Variants in RRAGB observed in about 807,000 individuals in gnomAD.
RRAGB encodes ras-related GTP-binding protein B.
A neutral mutation model predicts 29.3 loss-of-function variants in RRAGB; 6 were observed. The observed-to-expected ratio is 0.21, with a 90% CI of 0.11 to 0.40. The LOEUF (loss-of-function observed/expected upper bound fraction) is 0.40. RRAGB is among the 10% of genes least tolerant of loss of function. The pLI, the probability that RRAGB is intolerant of heterozygous loss-of-function variation, is 1.00. For synonymous variants in RRAGB, 101 were observed against 92.5 expected, an observed-to-expected ratio of 1.09 and a Z score of -0.53; for missense variants, 184 against 272.9, an observed-to-expected ratio of 0.67 and a Z score of 2.29.
In RRAGB at chrX:55,731,424, G is replaced by A. The variant is rs143111210; in HGVS notation, c.354G>A (p.Val118=). 8.4e-5 allele frequency: 101 copies of A among 1,209,032 alleles called. No individual in the cohort carries two copies. The highest frequency in any genetic ancestry group is 1.0e-4 in the Non-Finnish European group (92 of 894,577). ...AACGGGACAACATCTTCCGAAATGT[G>A]GAGGTTCTGATTTATGTCTTTGATG... ...TSQRDNIFRN[V]EVLIYVFDVE... is the part of the protein sequence containing the mutation. The change falls in exon 5 of 10, where the codon GTG becomes GTA. Residue 118 remains valine (V), a synonymous_variant. Coordinates refer to ENST00000374941, the MANE Select transcript of RRAGB (RefSeq NM_006064.5).
At chrX:55,748,100 C>G (rs2034318644) in intron 5 of RRAGB, among the ~76,000 whole-genome samples, 2 of 112,780 alleles carry the variant, frequency 1.8e-5, no homozygotes, top group East Asian at 5.6e-4. Flanking sequence ...CAGCTCCTAA[C>G]CCCGAGTGAT....
chrX:55,754,356 G>C (rs898194000), intron 7 of RRAGB, among the ~76,000 whole-genome samples: 1 of 112,703 alleles, frequency 8.9e-6, no homozygotes, highest in Non-Finnish European at 1.9e-5. Context: ...CTGAAAGGGG[G>C]ATGCAAAAAC....
intron 5 of RRAGB, among the ~76,000 whole-genome samples, chrX:55,744,577 G>T (rs1426601995): frequency 1.8e-5 from 2 of 110,132 alleles, no homozygotes; most frequent in African/African-American, 6.6e-5. Flanking sequence ...GGTAGCTCAG[G>T]TCTCATGGTT....
At chrX:55,719,024 T>G (rs1222956921) in intron 1 of RRAGB, among the ~76,000 whole-genome samples, 1 of 112,266 alleles carries the variant, frequency 8.9e-6, no homozygotes, top group Non-Finnish European at 1.9e-5. Flanking sequence ...GTTGCTTTGA[T>G]TAAGATGATG....
chrX:55,729,368 C>T lies in RRAGB; in HGVS notation c.293+8C>T. On this transcript the variant is annotated splice_region_variant and intron_variant, in intron 4 of 9. Transcript: ENST00000374941. ...CCTGTGGGATTGTGGTGGGTAAGTA[C>T]CATCTGCTTACTTGTTTGTGAAGCC... 8.7e-7 allele frequency: 1 copy of T among 1,155,516 alleles called. No homozygotes were observed. The highest frequency in any genetic ancestry group is 1.2e-6 in the Non-Finnish European group (1 of 847,642).
intron 3 of RRAGB, chrX:55,727,179 T>C (rs941288119): frequency 5.4e-6 from 3 of 554,666 alleles, no homozygotes; most frequent in Non-Finnish European, 8.0e-6. Flanking sequence ...GAATAATTTC[T>C]ATGATATGGG....
intron 5 of RRAGB, among the ~76,000 whole-genome samples, chrX:55,749,615 T>C (rs2034447933): frequency 9.1e-6 from 1 of 110,367 alleles, no homozygotes; most frequent in African/African-American, 3.3e-5. Flanking sequence ...GGGGAAAAGA[T>C]TGAGAAATCG....
chrX:55,742,059 C>T (rs769023131), intron 5 of RRAGB, among the ~76,000 whole-genome samples: 2 of 112,395 alleles, frequency 1.8e-5, no homozygotes, highest in East Asian at 5.5e-4. Context: ...AAGTTATTGA[C>T]TGTTTACTCT....
At chrX:55,729,399 C>T (rs750962497) in intron 4 of RRAGB, 39 bp downstream of exon 4, 2 of 928,900 alleles carry the variant, frequency 2.2e-6, no homozygotes, top group South Asian at 2.1e-5. Flanking sequence ...AAGCCGATGT[C>T]AGTAATCGTG....
intron 5 of RRAGB, among the ~76,000 whole-genome samples, chrX:55,738,367 G>A (rs1375566711): frequency 1.8e-5 from 2 of 112,014 alleles, no homozygotes; most frequent in Non-Finnish European, 3.8e-5. Context: ...AGCTTCAGAG[G>A]GGGACAATGT....
intron 9 of RRAGB, among the ~76,000 whole-genome samples, chrX:55,757,690 C>T (rs2034693086): frequency 8.9e-6 from 1 of 111,840 alleles, no homozygotes; most frequent in African/African-American, 3.2e-5. Flanking sequence ...AAAGAAAAAA[C>T]CCAAATACAT....
rs377310653 is a variant in RRAGB, at chrX:55,749,331, G to A, written c.517-1770G>A. Reference sequence around the variant, plus strand: ...AGGGAGGTGGGGGGGTCAGTCCCCAGCCCGGCCAGCCGCCCCATCCGGGAG... The same window carrying A: ...AGGGAGGTGGGGGGGTCAGTCCCCAACCCGGCCAGCCGCCCCATCCGGGAG... On this transcript the variant is annotated intron_variant, in intron 5 of 9. Transcript: ENST00000374941. Among the ~76,000 whole-genome samples, 3 of 93,734 alleles carry A rather than the reference G, an allele frequency of 3.2e-5. 1 individual carries two copies. Among genetic ancestry groups the A allele is most frequent in the Admixed American group, 1.1e-4 (1 of 9,162 alleles). 81.4% of individuals were successfully genotyped at this position (93,734 alleles called of 115,157 possible). A position where few individuals can be genotyped will look rare whatever the true frequency, so the allele number is the denominator to read the frequency against.
chrX:55,737,936 T>G (rs748370169), intron 5 of RRAGB, among the ~76,000 whole-genome samples: 2 of 112,403 alleles, frequency 1.8e-5, no homozygotes, highest in African/African-American at 3.2e-5. Flanking sequence ...AGCAAGGTAA[T>G]GCCCTTGAGG....
chrX:55,741,652 G>T (rs1045686698), intron 5 of RRAGB, among the ~76,000 whole-genome samples: 3 of 111,487 alleles, frequency 2.7e-5, no homozygotes, highest in African/African-American at 9.8e-5. Context: ...GTATGTGCGC[G>T]TGCATAGAAA....
chrX:55,724,669 C>A (rs1220099415), intron 3 of RRAGB, among the ~76,000 whole-genome samples: 1 of 111,335 alleles, frequency 9.0e-6, no homozygotes, highest in Non-Finnish European at 1.9e-5. Context: ...ATATCTGGGC[C>A]TAATTACCCT....
intron 6 of RRAGB, among the ~76,000 whole-genome samples, chrX:55,752,888 T>A (rs1449895234): frequency 8.9e-6 from 1 of 111,799 alleles, no homozygotes; most frequent in Non-Finnish European, 1.9e-5. Flanking sequence ...CACTAGTTTC[T>A]CTTTTAATGG....
At chrX:55,731,325 T>C (rs2033670594) in intron 4 of RRAGB, 39 bp from the exon 5 acceptor site, 10 of 1,022,278 alleles carry the variant, frequency 9.8e-6, no homozygotes, top group South Asian at 6.3e-5. Flanking sequence ...AGTGATTGAA[T>C]TGAGGATTTG....
At chrX:55,745,856 C>T (rs1325453954) in intron 5 of RRAGB, among the ~76,000 whole-genome samples, 3 of 111,905 alleles carry the variant, frequency 2.7e-5, no homozygotes, top group Admixed American at 1.9e-4. Flanking sequence ...TGCAAGGACC[C>T]ACTGGGCCTA....
chrX:55,756,123 TG>T (rs1293917348), intron 8 of RRAGB, among the ~76,000 whole-genome samples, 191 bp downstream of exon 8: 2 of 111,856 alleles, frequency 1.8e-5, no homozygotes, highest in Non-Finnish European at 3.8e-5. Flanking sequence ...CAAACTCAGC[TG>T]GTACAGAAGT....
Sources: allele counts gnomAD v4.1 joint callset (sites outside exome capture counted in the v4.1 genomes callset), GRCh38; gene constraint gnomAD v4.1.1; transcripts MANE v1.5; gene names NCBI Gene and HGNC (gene_info 2026-07-23, HGNC 2026-07-21).